MAST4: variants seen among roughly 807,000 people sequenced by gnomAD.
MAST4 encodes microtubule-associated serine/threonine-protein kinase 4.
In MAST4, 89 loss-of-function variants were observed where a neutral mutation model predicts 162.7. That is an observed-to-expected ratio of 0.55 (90% confidence interval 0.46 to 0.65). MAST4 has a LOEUF of 0.65. MAST4 is among the 30% of genes least tolerant of loss of function. The pLI is 0.00. For missense variants in MAST4, 3,153 were observed against 3,374.0 expected (o/e 0.93, Z 1.62); for synonymous variants, 1,479 against 1,361.1 (o/e 1.09, Z -1.91).
chr5:66,742,804 C>T (rs1005010441), intron 1 of MAST4, among the ~76,000 whole-genome samples: 1 of 152,040 alleles, frequency 6.6e-6, no homozygotes, highest in Non-Finnish European at 1.5e-5. Context: ...CAGATCTTGT[C>T]GTCAAGAACA....
At chr5:66,963,870 A>G (rs978824836) in intron 4 of MAST4, 1 of 773,276 alleles carries the variant, frequency 1.3e-6, no homozygotes, top group East Asian at 2.4e-5. Context: ...ATTACTTCAG[A>G]CTCTGCAATC....
intron 4 of MAST4, among the ~76,000 whole-genome samples, chr5:66,981,482 C>T (rs1025251994): frequency 3.3e-5 from 5 of 152,074 alleles, no homozygotes; most frequent in Admixed American, 6.6e-5. Flanking sequence ...GTATTTACTG[C>T]GGTGATGGAA....
intron 1 of MAST4, 124 bp from the exon 2 acceptor site, chr5:66,759,583 AAC>A: frequency 8.4e-7 from 1 of 1,185,060 alleles, no homozygotes; most frequent in Non-Finnish European, 1.2e-6. Context: ...AGCAAAATTG[AAC>A]ACAGTGTTGG....
In MAST4 at chr5:66,806,558, T is replaced by C. The variant is rs185166615; in HGVS notation, c.642+17764T>C. Reference sequence around the variant, plus strand: ...TTGATCAGGTAGAACTTAATTTAGCTTCCTCTCTCAGGATCATAGACCCAC... The same window carrying C: ...TTGATCAGGTAGAACTTAATTTAGCCTCCTCTCTCAGGATCATAGACCCAC... On this transcript the variant is annotated intron_variant, in intron 3 of 28. Transcript: ENST00000403625. Among the ~76,000 whole-genome samples, 5 of 152,320 alleles carry C rather than the reference T, an allele frequency of 3.3e-5. No homozygotes were observed. In the East Asian group the frequency reaches 9.6e-4, roughly 29 times the overall value.
At chr5:67,145,428 T>G (rs1770963364) in intron 23 of MAST4, 49 bp downstream of exon 23, 1 of 1,527,810 alleles carries the variant, frequency 6.5e-7, no homozygotes, top group African/African-American at 1.4e-5. Flanking sequence ...ACACTAAGTG[T>G]CTCCTAGTGC....
chr5:66,866,419 C>T (rs141077971), intron 3 of MAST4, among the ~76,000 whole-genome samples: 536 of 152,260 alleles, frequency 3.5e-3, no homozygotes, highest in Non-Finnish European at 6.4e-3. Flanking sequence ...TACTTCTAAA[C>T]GGCACATTTC....
Position 67,095,683 on chromosome 5 carries a change from C to T in MAST4, c.912+8C>T, listed in dbSNP as rs904263913. 6.4e-7 allele frequency: 1 copy of T among 1,553,048 alleles called. No individual in the cohort carries two copies. The highest frequency in any genetic ancestry group is 1.3e-5 in the South Asian group (1 of 79,942). On this transcript the variant is annotated splice_region_variant and intron_variant, in intron 7 of 28. Transcript: ENST00000403625. ...CCCAGCTCTACGGTCTCTGTAAGTG[C>T]CTGACTTTTTTTTTTTTTTTCTCTT...
At chr5:66,845,630 A>G (rs2149798314) in intron 3 of MAST4, among the ~76,000 whole-genome samples, 1 of 152,296 alleles carries the variant, frequency 6.6e-6, no homozygotes, top group Non-Finnish European at 1.5e-5. Flanking sequence ...GTATATACCC[A>G]GTAATGGATG....
intron 4 of MAST4, among the ~76,000 whole-genome samples, chr5:67,032,927 T>C (rs1251918502): frequency 6.6e-6 from 1 of 152,162 alleles, no homozygotes; most frequent in Non-Finnish European, 1.5e-5. Context: ...TGAAAAGTGA[T>C]GTACCATATT....
At chr5:66,887,542 G>A (rs893933778) in intron 3 of MAST4, among the ~76,000 whole-genome samples, 5 of 152,188 alleles carry the variant, frequency 3.3e-5, no homozygotes, top group African/African-American at 1.2e-4. Flanking sequence ...GGCGCCATAT[G>A]GAAACAGCAT....
At chr5:66,700,796 T>TACAC (rs1198448659) in intron 1 of MAST4, among the ~76,000 whole-genome samples, 2 of 116,774 alleles carry the variant, frequency 1.7e-5, no homozygotes, top group Non-Finnish European at 3.5e-5. Flanking sequence ...TATATATATA[T>TACAC]ATATACACAC....
intron 1 of MAST4, among the ~76,000 whole-genome samples, chr5:66,609,273 G>T (rs1743116294): frequency 6.6e-6 from 1 of 152,020 alleles, no homozygotes; most frequent in Admixed American, 6.6e-5. Flanking sequence ...CGTTTCCCTG[G>T]GCAGCCAGGG....
At chr5:66,840,636 T>A (rs965877085) in intron 3 of MAST4, among the ~76,000 whole-genome samples, 3 of 152,160 alleles carry the variant, frequency 2.0e-5, no homozygotes, top group Non-Finnish European at 4.4e-5. Context: ...CATTGGCCAA[T>A]GAGCTATTAG....
At chr5:66,968,516 C>A (rs368918951) in intron 4 of MAST4, among the ~76,000 whole-genome samples, 2 of 152,288 alleles carry the variant, frequency 1.3e-5, no homozygotes, top group Admixed American at 6.5e-5. Flanking sequence ...ACAAGGACAA[C>A]CATTTTTGTC....
chr5:66,864,651 C>G (rs1332490410), intron 3 of MAST4, among the ~76,000 whole-genome samples: 1 of 151,234 alleles, frequency 6.6e-6, no homozygotes. Context: ...ATGTCCCCCC[C>G]CGAAAATACA....
At chr5:67,001,871 A>G (rs1210485823) in intron 4 of MAST4, 1 of 152,160 alleles carries the variant, frequency 6.6e-6, no homozygotes, top group East Asian at 1.9e-4. Flanking sequence ...ACTCTTTCAC[A>G]TAGTTCTCAT....
intron 4 of MAST4, among the ~76,000 whole-genome samples, chr5:67,043,448 T>C (rs1380897352): frequency 1.3e-5 from 2 of 152,226 alleles, no homozygotes; most frequent in Non-Finnish European, 2.9e-5. Flanking sequence ...AGTAAAATTT[T>C]ACTGTGTTAT....
intron 1 of MAST4, among the ~76,000 whole-genome samples, chr5:66,717,318 T>A (rs1251960365): frequency 6.6e-6 from 1 of 152,228 alleles, no homozygotes; most frequent in Non-Finnish European, 1.5e-5. Context: ...GAGATGCCTA[T>A]TTCTATGGTT....
chr5:66,822,739 A>G (rs1757056035), intron 3 of MAST4, among the ~76,000 whole-genome samples: 1 of 152,186 alleles, frequency 6.6e-6, no homozygotes, highest in Admixed American at 6.5e-5. Flanking sequence ...CTGACCATTG[A>G]CAACTTATGA....
Sources: allele counts gnomAD v4.1 joint callset (sites outside exome capture counted in the v4.1 genomes callset), GRCh38; gene constraint gnomAD v4.1.1; transcripts MANE v1.5; gene names NCBI Gene and HGNC (gene_info 2026-07-23, HGNC 2026-07-21).